The following SLC39A10 variants were observed in gnomAD, a reference collection of about 807,000 sequenced individuals.
The protein encoded by SLC39A10 is zinc transporter ZIP10.
A neutral mutation model predicts 65.1 loss-of-function variants in SLC39A10; 13 were observed. That is an observed-to-expected ratio of 0.20 (90% confidence interval 0.13 to 0.32). The LOEUF (loss-of-function observed/expected upper bound fraction) is 0.32. Ranked by LOEUF, SLC39A10 falls within the 10% of genes least tolerant of loss-of-function variation. The pLI is 1.00. For missense variants in SLC39A10, 831 were observed against 1,018.4 expected (o/e 0.82, Z 2.50); for synonymous variants, 321 against 342.2 (o/e 0.94, Z 0.68).
At chr2:195,708,473 T>G (rs925382059) in intron 4 of SLC39A10, among the ~76,000 whole-genome samples, 183 bp from the exon 5 acceptor site, 2 of 152,188 alleles carry the variant, frequency 1.3e-5, no homozygotes, top group Non-Finnish European at 2.9e-5. Context: ...TGTAGTAGTA[T>G]TTTGGACAAC....
At chr2:195,629,218 C>G (rs1314672573) in intron 2 of SLC39A10, among the ~76,000 whole-genome samples, 1 of 151,978 alleles carries the variant, frequency 6.6e-6, no homozygotes, top group African/African-American at 2.4e-5. Context: ...GAAACCCCAT[C>G]TCTAAAAATA....
chr2:195,676,368 T>G (rs913395282), intron 1 of SLC39A10, among the ~76,000 whole-genome samples: 47 of 152,126 alleles, frequency 3.1e-4, no homozygotes, highest in Non-Finnish European at 5.7e-4. Flanking sequence ...AAGCTTTTTT[T>G]TTTTTTATAG....
chr2:195,714,381 A>G (rs1691711328), intron 6 of SLC39A10, among the ~76,000 whole-genome samples: 2 of 152,202 alleles, frequency 1.3e-5, no homozygotes, highest in Non-Finnish European at 2.9e-5. Flanking sequence ...ATAATCTTAG[A>G]TCTAGCCCTT....
chr2:195,697,023 A>T (rs1473101609), intron 3 of SLC39A10, among the ~76,000 whole-genome samples: 1 of 152,154 alleles, frequency 6.6e-6, no homozygotes, highest in Admixed American at 6.6e-5. Flanking sequence ...ATCATGATAA[A>T]GGTCTTCATT....
At chr2:195,695,199 A>G (rs1310424878) in intron 3 of SLC39A10, among the ~76,000 whole-genome samples, 2 of 152,164 alleles carry the variant, frequency 1.3e-5, no homozygotes, top group African/African-American at 2.4e-5. Flanking sequence ...CAACCTGGGC[A>G]GGTAGAGAAA....
intron 9 of SLC39A10, among the ~76,000 whole-genome samples, chr2:195,733,553 G>A (rs1319019116): frequency 5.3e-5 from 8 of 150,928 alleles, no homozygotes; most frequent in Admixed American, 1.3e-4. Flanking sequence ...TTTTTGAGAC[G>A]GAGTTTTGCT....
chr2:195,698,957 GA>G (rs1338781770), intron 3 of SLC39A10, among the ~76,000 whole-genome samples: 1 of 151,702 alleles, frequency 6.6e-6, no homozygotes, highest in African/African-American at 2.4e-5. Context: ...GAAGATTTTT[GA>G]TTTCTGATTC....
At chr2:195,657,337 G>C (rs988513405) in intron 1 of SLC39A10, 56 bp downstream of exon 1, 8 of 966,702 alleles carry the variant, frequency 8.3e-6, no homozygotes, top group Admixed American at 6.2e-5. Context: ...GGCCCCGTGC[G>C]CGGCGGAGAC....
chr2:195,719,945 C>G (rs930771845), intron 8 of SLC39A10, among the ~76,000 whole-genome samples: 3 of 152,116 alleles, frequency 2.0e-5, no homozygotes, highest in South Asian at 4.2e-4. Context: ...CTTGTGCCAC[C>G]ACGCCTGGCT....
At chr2:195,710,001 A>G (rs1691553295) in intron 5 of SLC39A10, among the ~76,000 whole-genome samples, 2 of 152,156 alleles carry the variant, frequency 1.3e-5, no homozygotes, top group South Asian at 4.1e-4. Context: ...TAGGAAGAAA[A>G]TAAAATGAAA....
chr2:195,704,043 CTATG>C (rs1326709588), intron 3 of SLC39A10, among the ~76,000 whole-genome samples: 1 of 152,126 alleles, frequency 6.6e-6, no homozygotes, highest in African/African-American at 2.4e-5. Context: ...TTTCTAATAA[CTATG>C]AAGGGTTATC....
At chr2:195,617,840 C>T (rs886559013) in intron 2 of SLC39A10, among the ~76,000 whole-genome samples, 14 of 151,166 alleles carry the variant, frequency 9.3e-5, no homozygotes, top group Admixed American at 2.0e-4. Context: ...CCTAGGGTCA[C>T]GCCATTCTCC....
In SLC39A10 at chr2:195,627,790, T is replaced by G. The variant is rs563025427; in HGVS notation, c.-12+21557T>G. On this transcript the variant is annotated intron_variant, in intron 2 of 2. Transcript: ENST00000458054. ...AGCTGCATTGAGAATCTCTAAATACTGAGGGGCAGCAAAAAAGCACTGAAG... is the reference window on the plus strand; with the variant it reads ...AGCTGCATTGAGAATCTCTAAATACGGAGGGGCAGCAAAAAAGCACTGAAG... Among the ~76,000 whole-genome samples the G allele has an allele frequency of 5.3e-5, 8 of 152,246 alleles. No individual in the cohort carries two copies. The South Asian group carries it at 1.7e-3, about 32-fold the overall frequency.
Position 195,624,242 on chromosome 2 carries a change from C to T in SLC39A10, c.-12+18009C>T, listed in dbSNP as rs77295622. On this transcript the variant is annotated intron_variant, in intron 2 of 2. Coordinates refer to the SLC39A10 transcript ENST00000458054. ...CTCTACTAAAAATACAAAAAATTAG[C>T]TGGGTATGCTGGCGGGCGCCTGTAA... Among the ~76,000 whole-genome samples the T allele has an allele frequency of 9.9e-3, 1,508 of 151,620 alleles. 28 individuals are homozygous for T. Among genetic ancestry groups the T allele is most frequent in the African/African-American group, 0.034 (1,396 of 41,314 alleles).
intron 1 of SLC39A10, among the ~76,000 whole-genome samples, chr2:195,660,652 C>T (rs1364086745): frequency 3.3e-5 from 5 of 152,098 alleles, no homozygotes; most frequent in African/African-American, 1.2e-4. Context: ...TTGCTTTTAG[C>T]CCCCAGTTTT....
At chr2:195,717,302 A>G (rs945469785) in intron 7 of SLC39A10, 6 of 260,066 alleles carry the variant, frequency 2.3e-5, no homozygotes, top group Non-Finnish European at 3.6e-5. Flanking sequence ...AAATGTATTT[A>G]CATATCCCTA....
intron 1 of SLC39A10, among the ~76,000 whole-genome samples, chr2:195,663,134 G>C (rs1157412910): frequency 6.6e-6 from 1 of 152,132 alleles, no homozygotes; most frequent in Non-Finnish European, 1.5e-5. Flanking sequence ...AGCTGATTGT[G>C]TCTTCCTTGT....
At chr2:195,645,574 A>G (rs895902964) in intron 2 of SLC39A10, among the ~76,000 whole-genome samples, 7 of 152,178 alleles carry the variant, frequency 4.6e-5, no homozygotes, top group Admixed American at 4.6e-4. Context: ...ATTAAACATT[A>G]ACTTCCCATT....
intron 2 of SLC39A10, among the ~76,000 whole-genome samples, chr2:195,636,226 C>A (rs1297619007): frequency 6.6e-6 from 1 of 152,180 alleles, no homozygotes; most frequent in Non-Finnish European, 1.5e-5. Context: ...CAGACTAATG[C>A]AGAAGCAGAT....
Sources: allele counts gnomAD v4.1 joint callset (sites outside exome capture counted in the v4.1 genomes callset), GRCh38; gene constraint gnomAD v4.1.1; transcripts MANE v1.5; gene names NCBI Gene and HGNC (gene_info 2026-07-23, HGNC 2026-07-21).